Variants in FMO1 observed in about 807,000 individuals in gnomAD.
FMO1 encodes flavin containing dimethylaniline monoxygenase 1.
FMO1 carries 36 observed loss-of-function variants against 45.4 expected under a neutral mutation model. The ratio of observed to expected loss-of-function variants is 0.79; its 90% confidence interval spans 0.61 to 1.05. The LOEUF is 1.05. Ranked by LOEUF, FMO1 falls within the 50% of genes least tolerant of loss-of-function variation. FMO1 has a pLI of 0.00. For synonymous variants in FMO1, 228 were observed against 227.2 expected, an observed-to-expected ratio of 1.00 and a Z score of -0.03; for missense variants, 615 against 640.3, an observed-to-expected ratio of 0.96 and a Z score of 0.43.
In FMO1 at chr1:171,258,146, G is replaced by T. The variant is rs1191887809; in HGVS notation, c.59G>T (p.Cys20Phe). ...GTCAGCGGCCTGGCCTCCATCAAGT[G>T]CTGTCTGGAAGAAGGACTGGAGCCC... ...AGVSGLASIK[C>F]CLEEGLEPTC... The change falls in exon 2 of 9, where the codon TGC (cysteine) becomes TTC (phenylalanine). Residue 20 changes from cysteine to phenylalanine, a missense_variant. Cys to Phe is a radical substitution (Grantham distance 205). Transcript: ENST00000617670. 1 of 1,614,058 alleles carries T rather than the reference G, an allele frequency of 6.2e-7. No individual in the cohort carries two copies. The highest frequency in any genetic ancestry group is 8.5e-7 in the Non-Finnish European group (1 of 1,180,024).
intron 2 of FMO1, among the ~76,000 whole-genome samples, chr1:171,267,341 T>C (rs767639558): frequency 6.6e-6 from 1 of 152,224 alleles, no homozygotes; most frequent in Non-Finnish European, 1.5e-5. Context: ...ATCTTCTCCA[T>C]AATCATTTCC....
In FMO1 at chr1:171,258,164, TGGAGCC is replaced by T; in HGVS notation, c.78_83del (p.Glu27_Pro28del). ...ATCAAGTGCTGTCTGGAAGAAGGAC[TGGAGCC>T]CACCTGCTTTGAGAGGAGCGATGAC... On this transcript the variant is annotated inframe_deletion, in exon 2 of 9. Coordinates refer to ENST00000617670, the MANE Select transcript of FMO1 (RefSeq NM_001282693.2). The T allele has an allele frequency of 1.9e-6, 3 of 1,614,182 alleles. No individual in the cohort carries two copies. Among genetic ancestry groups the T allele is most frequent in the Non-Finnish European group, 2.5e-6 (3 of 1,180,024 alleles).
intron 4 of FMO1, among the ~76,000 whole-genome samples, 172 bp from the exon 5 acceptor site, chr1:171,278,557 A>C (rs973327641): frequency 6.6e-6 from 1 of 152,128 alleles, no homozygotes; most frequent in African/African-American, 2.4e-5. Flanking sequence ...CCCTTAAATA[A>C]TTACCTGCCA....
chr1:171,284,524 G>A (rs28360429), intron 8 of FMO1, among the ~76,000 whole-genome samples: 8 of 151,996 alleles, frequency 5.3e-5, no homozygotes, highest in African/African-American at 1.9e-4. Context: ...GATCATTTGA[G>A]CTCAGGACTT....
intron 3 of FMO1, chr1:171,270,784 C>A: frequency 1.2e-6 from 1 of 853,452 alleles, no homozygotes; most frequent in Non-Finnish European, 1.6e-6. Context: ...AGAGGGCTAT[C>A]TAAAGACACA....
At chr1:171,279,375 C>T (rs376076135) in intron 5 of FMO1, among the ~76,000 whole-genome samples, 1 of 152,146 alleles carries the variant, frequency 6.6e-6, no homozygotes, top group Admixed American at 6.6e-5. Context: ...TACTGCACTA[C>T]TTTATCCAGT....
chr1:171,267,879 A>C, intron 3 of FMO1, 148 bp downstream of exon 3: 1 of 561,422 alleles, frequency 1.8e-6, no homozygotes, highest in Non-Finnish European at 3.1e-6. Flanking sequence ...CCCTATACTC[A>C]CTCCCCACTT....
intron 3 of FMO1, among the ~76,000 whole-genome samples, chr1:171,273,230 C>T (rs1163758485): frequency 6.6e-6 from 1 of 152,274 alleles, no homozygotes; most frequent in African/African-American, 2.4e-5. Context: ...TGATGCTTCC[C>T]CAGCCACATG....
intron 2 of FMO1, among the ~76,000 whole-genome samples, chr1:171,265,948 T>C (rs889872585): frequency 1.3e-5 from 2 of 152,318 alleles, no homozygotes; most frequent in South Asian, 2.1e-4. Context: ...GTTCAGTGTA[T>C]ATTTTTTAAC....
chr1:171,265,412 AAAAAG>A (rs1180358662), intron 2 of FMO1, among the ~76,000 whole-genome samples: 48 of 150,454 alleles, frequency 3.2e-4, no homozygotes, highest in African/African-American at 1.2e-3. Flanking sequence ...AATAAAAAAG[AAAAAG>A]AAAAAAAAAA....
intron 5 of FMO1, among the ~76,000 whole-genome samples, chr1:171,280,073 T>G (rs1249168721): frequency 1.3e-5 from 2 of 152,230 alleles, no homozygotes; most frequent in Non-Finnish European, 2.9e-5. Flanking sequence ...CAAATTACCT[T>G]TCATCATATA....
At chr1:171,277,663 G>A (rs1166758971) in intron 4 of FMO1, among the ~76,000 whole-genome samples, 1 of 152,156 alleles carries the variant, frequency 6.6e-6, no homozygotes, top group Non-Finnish European at 1.5e-5. Flanking sequence ...TTTCTGCTTA[G>A]GCTTTCCACC....
chr1:171,258,127 G>A lies in FMO1; in HGVS notation c.40G>A (p.Gly14Ser), dbSNP rs201227313. The change falls in exon 2 of 9, where the codon GGC becomes AGC. Residue 14 changes from glycine to serine, a missense_variant. By Grantham distance (56) the Gly-to-Ser change is moderately conservative. Coordinates refer to ENST00000617670, the MANE Select transcript of FMO1 (RefSeq NM_001282693.2). ...RVAIVGAGVS[G>S]LASIKCCLEE... ...TGCCATTGTGGGAGCTGGGGTCAGC[G>A]GCCTGGCCTCCATCAAGTGCTGTCT... The A allele has an allele frequency of 1.7e-5, 28 of 1,614,172 alleles. No individual in the cohort carries two copies. In the East Asian group the frequency reaches 5.3e-4, roughly 31 times the overall value.
Position 171,285,576 on chromosome 1 carries a change from A to T in FMO1, c.*32A>T. On this transcript the variant is annotated 3_prime_UTR_variant, in exon 9 of 9. Coordinates refer to ENST00000617670, the MANE Select transcript of FMO1 (RefSeq NM_001282693.2). Reference sequence around the variant, plus strand: ...GATCTCCTAAATGGAAGATGCACAGAGTAGATTTACAATGCTCCAATTCCT... The same window carrying T: ...GATCTCCTAAATGGAAGATGCACAGTGTAGATTTACAATGCTCCAATTCCT... 7.8e-7 allele frequency: 1 copy of T among 1,287,102 alleles called. No homozygotes were observed. Among genetic ancestry groups the T allele is most frequent in the South Asian group, 1.5e-5 (1 of 66,152 alleles). The allele number at this position is 1,287,102 out of a possible 1,614,324, so 79.7% of individuals were successfully genotyped here. A position where few individuals can be genotyped will look rare whatever the true frequency, so the allele number is the denominator to read the frequency against.
At chr1:171,260,356 A>C (rs1348465457) in intron 2 of FMO1, among the ~76,000 whole-genome samples, 1 of 152,204 alleles carries the variant, frequency 6.6e-6, no homozygotes, top group Non-Finnish European at 1.5e-5. Context: ...ATAACTGAGC[A>C]CATAAATCCA....
intron 4 of FMO1, among the ~76,000 whole-genome samples, chr1:171,278,193 A>G (rs982112365): frequency 3.9e-5 from 6 of 152,182 alleles, no homozygotes; most frequent in African/African-American, 1.4e-4. Context: ...GTCAGTCACC[A>G]AGTGAACTTC....
chr1:171,279,762 T>C (rs544220075), intron 5 of FMO1, among the ~76,000 whole-genome samples: 1 of 152,326 alleles, frequency 6.6e-6, no homozygotes, highest in Non-Finnish European at 1.5e-5. Flanking sequence ...AAAAAATAAA[T>C]TGCAGACGTA....
At chr1:171,283,304 G>GCAA (rs1661469836) in intron 8 of FMO1, 88 bp downstream of exon 8, 1 of 345,674 alleles carries the variant, frequency 2.9e-6, no homozygotes, top group Non-Finnish European at 4.5e-6. Flanking sequence ...AAAAGGAAAT[G>GCAA]AAAAAGAAAA....
chr1:171,255,137 T>C (rs1275149209), intron 1 of FMO1, among the ~76,000 whole-genome samples: 2 of 152,208 alleles, frequency 1.3e-5, no homozygotes, highest in Admixed American at 1.3e-4. Flanking sequence ...TCACCCTCTA[T>C]ATAATGTGTT....
Sources: gnomAD v4.1 joint callset for allele counts (sites outside exome capture counted in the v4.1 genomes callset) on GRCh38, gnomAD v4.1.1 for gene constraint, MANE v1.5 for transcripts, NCBI Gene and HGNC (gene_info 2026-07-23, HGNC 2026-07-21) for gene names.